The following CHCHD6 variants were observed in gnomAD, a reference collection of about 807,000 sequenced individuals.
The protein encoded by CHCHD6 is MICOS complex subunit MIC25.
A neutral mutation model predicts 32.3 loss-of-function variants in CHCHD6; 28 were observed. The observed-to-expected ratio is 0.87, with a 90% CI of 0.64 to 1.19. The LOEUF is 1.19. Ranked by LOEUF, CHCHD6 falls within the 50% of genes most tolerant of loss-of-function variation. The pLI, the probability that CHCHD6 is intolerant of heterozygous loss-of-function variation, is 0.00. For synonymous variants in CHCHD6, 122 were observed against 117.5 expected, an observed-to-expected ratio of 1.04 and a Z score of -0.25; for missense variants, 333 against 307.0, an observed-to-expected ratio of 1.08 and a Z score of -0.63.
chr3:126,836,191 C>G (rs952014612), intron 4 of CHCHD6, among the ~76,000 whole-genome samples: 1 of 152,260 alleles, frequency 6.6e-6, no homozygotes, highest in African/African-American at 2.4e-5. Context: ...TAGGCCCCAG[C>G]CTGTTTTTCA....
chr3:126,922,739 G>C (rs1198843222), intron 6 of CHCHD6, among the ~76,000 whole-genome samples: 1 of 151,596 alleles, frequency 6.6e-6, no homozygotes, highest in East Asian at 1.9e-4. Context: ...GTGTGTACAC[G>C]TGCTTGTTTC....
chr3:126,919,309 TC>T lies in CHCHD6; in HGVS notation c.566+4560del, dbSNP rs1427109527. ...CTAATTTTTTTTCTACTATTTCTTT[TC>T]TTTTTTCTTTTTTTTTTTTTTTTGA... On this transcript the variant is annotated intron_variant, in intron 6 of 7. Coordinates refer to ENST00000290913, the MANE Select transcript of CHCHD6 (RefSeq NM_032343.3). Among the ~76,000 whole-genome samples, 17 of 30,062 alleles carry T rather than the reference TC, an allele frequency of 5.7e-4. No individual in the cohort carries two copies. In the South Asian group the frequency reaches 5.9e-3, roughly 10 times the overall value. The allele number at this position is 30,062 out of a possible 152,430, so 19.7% of individuals were successfully genotyped here.
chr3:126,926,080 G>T (rs150273108), intron 6 of CHCHD6, among the ~76,000 whole-genome samples: 2 of 152,164 alleles, frequency 1.3e-5, no homozygotes, highest in Non-Finnish European at 2.9e-5. Flanking sequence ...TAGGACTCTC[G>T]TTCCTCTAGG....
chr3:126,838,358 A>T (rs1250217856), intron 4 of CHCHD6, among the ~76,000 whole-genome samples: 1 of 152,148 alleles, frequency 6.6e-6, no homozygotes, highest in Non-Finnish European at 1.5e-5. Context: ...TTGGAAAGTG[A>T]GGAAGATGAC....
At chr3:126,766,769 C>T in intron 4 of CHCHD6, 1 of 1,140,574 alleles carries the variant, frequency 8.8e-7, no homozygotes, top group South Asian at 1.2e-5. Flanking sequence ...GTGTTGGTGG[C>T]CCCCTGGAAA....
chr3:126,826,401 C>T (rs1361873503), intron 4 of CHCHD6, among the ~76,000 whole-genome samples: 1 of 152,154 alleles, frequency 6.6e-6, no homozygotes, highest in East Asian at 1.9e-4. Flanking sequence ...CAGGAGGAAG[C>T]TTTTATCTTC....
At chr3:126,709,718 T>G (rs1037965005) in intron 1 of CHCHD6, among the ~76,000 whole-genome samples, 1 of 152,236 alleles carries the variant, frequency 6.6e-6, no homozygotes, top group Non-Finnish European at 1.5e-5. Context: ...TCATCGTGGT[T>G]TGAATTTGCA....
rs548646986 is a variant in CHCHD6 at position 126,852,699 on chromosome 3, A to G, written c.464A>G (p.Tyr155Cys). Residue 155 changes from tyrosine (Y) to cysteine (C), a missense_variant, in exon 5 of 8, where the codon TAC (tyrosine) becomes TGC (cysteine). By Grantham distance (194) the Tyr-to-Cys change is radical. Coordinates refer to ENST00000290913, the MANE Select transcript of CHCHD6 (RefSeq NM_032343.3). ...GAGCTAAGACGCCGTGACACCTTCT[A>G]CAAGGAGCAGCTGGAGCGTATTGAG... ...EAELRRRDTF[Y>C]KEQLERIERK... The G allele has an allele frequency of 6.2e-7, 1 of 1,613,668 alleles. No homozygotes were observed. The highest frequency in any genetic ancestry group is 1.3e-5 in the African/African-American group (1 of 75,052).
intron 6 of CHCHD6, among the ~76,000 whole-genome samples, chr3:126,944,928 T>G (rs1383160572): frequency 1.3e-5 from 2 of 152,154 alleles, no homozygotes; most frequent in African/African-American, 2.4e-5. Flanking sequence ...CCTCTAGGCC[T>G]TGTGGCTGTG....
At chr3:126,901,876 ACTGCCTGG>A (rs2077933210) in intron 5 of CHCHD6, among the ~76,000 whole-genome samples, 1 of 152,206 alleles carries the variant, frequency 6.6e-6, no homozygotes, top group Non-Finnish European at 1.5e-5. Flanking sequence ...TGCTTGTTGC[ACTGCCTGG>A]CATTGTACTC....
chr3:126,751,504 A>C (rs1936717426), intron 4 of CHCHD6, among the ~76,000 whole-genome samples: 1 of 62,094 alleles, frequency 1.6e-5, no homozygotes, highest in Non-Finnish European at 2.8e-5. Context: ...ACCCTGTCTC[A>C]AAAAAAAAAA....
chr3:126,749,514 T>G (rs1936641093), intron 4 of CHCHD6, among the ~76,000 whole-genome samples: 1 of 152,196 alleles, frequency 6.6e-6, no homozygotes, highest in Non-Finnish European at 1.5e-5. Flanking sequence ...CTCTGGGTCC[T>G]TCTATCAGTT....
chr3:126,926,823 A>T (rs1435700581), intron 6 of CHCHD6, among the ~76,000 whole-genome samples: 3 of 152,128 alleles, frequency 2.0e-5, no homozygotes, highest in African/African-American at 7.2e-5. Flanking sequence ...ACCAAGCAGT[A>T]ATGATGTTGA....
chr3:126,957,464 C>T lies in CHCHD6; in HGVS notation c.615C>T (p.Leu205=), dbSNP rs2078801759. 1 of 1,610,888 alleles carries T rather than the reference C, an allele frequency of 6.2e-7. No individual in the cohort carries two copies. The highest frequency in any genetic ancestry group is 8.5e-7 in the Non-Finnish European group (1 of 1,178,898). The part of the protein sequence containing the change: ...PVCSGLQAQI[L]HCYRDRPHEV... ...GCTCAGGGTTGCAGGCCCAGATTCT[C>T]CACTGCTACCGAGATCGCCCGCATG... The change falls in exon 7 of 8, where the codon CTC becomes CTT. Residue 205 remains leucine (L), a synonymous_variant. Transcript: ENST00000290913.
chr3:126,887,800 G>A, intron 5 of CHCHD6, among the ~76,000 whole-genome samples: 1 of 152,190 alleles, frequency 6.6e-6, no homozygotes, highest in Non-Finnish European at 1.5e-5. Context: ...GCAGTCAATG[G>A]TTCCCACCCA....
chr3:126,778,383 T>G (rs1383844289), intron 4 of CHCHD6, among the ~76,000 whole-genome samples: 1 of 152,236 alleles, frequency 6.6e-6, no homozygotes, highest in Non-Finnish European at 1.5e-5. Flanking sequence ...CATTTTACAT[T>G]CGCACTAGCA....
At chr3:126,946,158 G>A (rs987912027) in intron 6 of CHCHD6, among the ~76,000 whole-genome samples, 1 of 152,102 alleles carries the variant, frequency 6.6e-6, no homozygotes, top group Admixed American at 6.5e-5. Context: ...CAGAAACAGC[G>A]CCAGAAAGCT....
At chr3:126,864,752 A>ACCATCATCTC (rs1942185267) in intron 5 of CHCHD6, among the ~76,000 whole-genome samples, 4 of 25,976 alleles carry the variant, frequency 1.5e-4, no homozygotes, top group African/African-American at 7.4e-4. Context: ...ACCATCATCT[A>ACCATCATCTC]CTCCTCCTCC....
At chr3:126,894,736 G>A (rs1353791704) in intron 5 of CHCHD6, among the ~76,000 whole-genome samples, 1 of 152,212 alleles carries the variant, frequency 6.6e-6, no homozygotes, top group Admixed American at 6.5e-5. Flanking sequence ...CATAAAGGAG[G>A]TCTGGAGGGA....
Sources: allele counts gnomAD v4.1 joint callset (sites outside exome capture counted in the v4.1 genomes callset), GRCh38; gene constraint gnomAD v4.1.1; transcripts MANE v1.5; gene names NCBI Gene and HGNC (gene_info 2026-07-23, HGNC 2026-07-21).